The following FBXL17 variants were observed in gnomAD, a reference collection of about 807,000 sequenced individuals.
FBXL17 encodes the protein F-box/LRR-repeat protein 17.
A neutral mutation model predicts 66.2 loss-of-function variants in FBXL17; 22 were observed. The observed-to-expected ratio is 0.33, with a 90% CI of 0.24 to 0.47. The LOEUF is 0.47. Ranked by LOEUF, FBXL17 falls within the 20% of genes least tolerant of loss-of-function variation. The probability of loss-of-function intolerance (pLI) is 1.00; values close to 1 mark genes in which losing one functional copy is unlikely to be tolerated. For missense variants in FBXL17, 878 were observed against 948.2 expected (o/e 0.93, Z 0.97); for synonymous variants, 474 against 400.5 (o/e 1.18, Z -2.19).
At chr5:108,114,302 C>G (rs921401116) in intron 6 of FBXL17, among the ~76,000 whole-genome samples, 1 of 152,098 alleles carries the variant, frequency 6.6e-6, no homozygotes, top group East Asian at 1.9e-4. Flanking sequence ...TGATTTGTAT[C>G]TTAGTGAGTT....
At chr5:107,964,624 T>C (rs879585978) in intron 7 of FBXL17, among the ~76,000 whole-genome samples, 9 of 152,116 alleles carry the variant, frequency 5.9e-5, no homozygotes, top group Non-Finnish European at 7.4e-5. Context: ...GTTAAGACTT[T>C]ATATACAATG....
intron 4 of FBXL17, among the ~76,000 whole-genome samples, chr5:108,314,920 A>G (rs1695402833): frequency 6.6e-6 from 1 of 151,308 alleles, no homozygotes; most frequent in East Asian, 1.9e-4. Flanking sequence ...TTGTATTATT[A>G]AAGATCATTT....
chr5:108,018,357 T>A (rs1321053953), intron 7 of FBXL17, among the ~76,000 whole-genome samples: 1 of 152,154 alleles, frequency 6.6e-6, no homozygotes, highest in Non-Finnish European at 1.5e-5. Flanking sequence ...GGGGACACAG[T>A]CTCTCCAGCA....
At chr5:107,927,730 A>G (rs1411161980) in intron 7 of FBXL17, among the ~76,000 whole-genome samples, 3 of 152,124 alleles carry the variant, frequency 2.0e-5, no homozygotes, top group Non-Finnish European at 4.4e-5. Flanking sequence ...CAAAGGGGAA[A>G]AAAAATCTTA....
At chr5:108,246,580 G>A (rs1172384111) in intron 4 of FBXL17, among the ~76,000 whole-genome samples, 2 of 152,272 alleles carry the variant, frequency 1.3e-5, no homozygotes, top group East Asian at 3.9e-4. Context: ...GAGTCAAAAG[G>A]ACTGGATTTG....
chr5:108,237,234 C>A (rs1361412280), intron 4 of FBXL17, among the ~76,000 whole-genome samples: 2 of 152,158 alleles, frequency 1.3e-5, no homozygotes, highest in Non-Finnish European at 2.9e-5. Flanking sequence ...AATATACAAG[C>A]ACCTACTACA....
At chr5:108,331,469 C>G (rs1027379747) in intron 4 of FBXL17, among the ~76,000 whole-genome samples, 3 of 152,152 alleles carry the variant, frequency 2.0e-5, no homozygotes, top group Non-Finnish European at 4.4e-5. Flanking sequence ...ATGTTTCTTA[C>G]AAATTGGTAG....
chr5:107,872,823 T>C (rs1748499531), intron 8 of FBXL17, among the ~76,000 whole-genome samples: 1 of 152,214 alleles, frequency 6.6e-6, no homozygotes, highest in South Asian at 2.1e-4. Context: ...ATTTTCATTT[T>C]ACAGATGAGG....
intron 6 of FBXL17, among the ~76,000 whole-genome samples, chr5:108,155,254 C>G (rs1319582431): frequency 6.6e-6 from 1 of 152,112 alleles, no homozygotes. Flanking sequence ...CGGTGCCTCA[C>G]GTCTGTAATC....
intron 7 of FBXL17, among the ~76,000 whole-genome samples, chr5:107,924,400 T>C (rs958820418): frequency 1.2e-4 from 19 of 152,220 alleles, no homozygotes; most frequent in African/African-American, 4.1e-4. Flanking sequence ...TTATTACATG[T>C]AACTGGGTAG....
intron 5 of FBXL17, among the ~76,000 whole-genome samples, chr5:108,213,314 C>T (rs950872771): frequency 6.6e-6 from 1 of 152,184 alleles, no homozygotes; most frequent in African/African-American, 2.4e-5. Context: ...TTCTGTCTTG[C>T]TGGTGTTCCA....
chr5:108,290,019 A>G (rs1030001846), intron 4 of FBXL17, among the ~76,000 whole-genome samples: 3 of 152,194 alleles, frequency 2.0e-5, no homozygotes, highest in African/African-American at 7.2e-5. Flanking sequence ...CTTTCAGATA[A>G]GAGAAACCAA....
intron 2 of FBXL17, among the ~76,000 whole-genome samples, chr5:108,366,576 G>T (rs2112579191): frequency 6.6e-6 from 1 of 151,760 alleles, no homozygotes; most frequent in African/African-American, 2.4e-5. Flanking sequence ...GTGGGGAGGG[G>T]GTTTGGGTGG....
At chr5:108,109,966 T>A (rs1451359300) in intron 6 of FBXL17, among the ~76,000 whole-genome samples, 2 of 152,192 alleles carry the variant, frequency 1.3e-5, no homozygotes, top group African/African-American at 4.8e-5. Context: ...CTTTTCCTTA[T>A]AATGAATATT....
intron 4 of FBXL17, among the ~76,000 whole-genome samples, chr5:108,292,279 G>A (rs868177411): frequency 3.3e-5 from 5 of 151,812 alleles, no homozygotes; most frequent in South Asian, 2.1e-4. Context: ...ACACCACCAC[G>A]CCCAGCTAAT....
At chr5:108,110,072 C>T (rs1749972025) in intron 6 of FBXL17, among the ~76,000 whole-genome samples, 1 of 151,964 alleles carries the variant, frequency 6.6e-6, no homozygotes, top group African/African-American at 2.4e-5. Flanking sequence ...CTATTGGTAC[C>T]ACACAGCTTC....
At chr5:108,073,085 A>C (rs913209243) in intron 6 of FBXL17, among the ~76,000 whole-genome samples, 1 of 152,168 alleles carries the variant, frequency 6.6e-6, no homozygotes. Context: ...TATTTTAACA[A>C]TATTCTACAG....
At chr5:107,973,644 T>G (rs1268763522) in intron 7 of FBXL17, among the ~76,000 whole-genome samples, 1 of 152,144 alleles carries the variant, frequency 6.6e-6, no homozygotes, top group Non-Finnish European at 1.5e-5. Context: ...TTTTGAATTC[T>G]AGATCTAGCA....
chr5:107,906,134 T>C (rs1749749863), intron 7 of FBXL17, among the ~76,000 whole-genome samples: 1 of 152,022 alleles, frequency 6.6e-6, no homozygotes, highest in Middle Eastern at 3.2e-3. Context: ...TGACCTTTTC[T>C]TGGAAACTAG....
Sources: allele counts gnomAD v4.1 joint callset (sites outside exome capture counted in the v4.1 genomes callset), GRCh38; gene constraint gnomAD v4.1.1; transcripts MANE v1.5; gene names NCBI Gene and HGNC (gene_info 2026-07-23, HGNC 2026-07-21).